Variants in TNIK observed in about 807,000 individuals in gnomAD.
The protein encoded by TNIK is TRAF2 and NCK-interacting protein kinase.
TNIK carries 49 observed loss-of-function variants against 191.3 expected under a neutral mutation model. The ratio of observed to expected loss-of-function variants is 0.26; its 90% CI spans 0.20 to 0.32. TNIK has a LOEUF of 0.32. TNIK is among the 10% of genes least tolerant of loss of function. The pLI is 1.00. For missense variants in TNIK, 1,155 were observed against 1,702.3 expected, an observed-to-expected ratio of 0.68 and a Z score of 5.66; for synonymous variants, 594 against 600.9, an observed-to-expected ratio of 0.99 and a Z score of 0.17.
intron 2 of TNIK, among the ~76,000 whole-genome samples, chr3:171,298,603 AG>A (rs1043898929): frequency 1.3e-5 from 2 of 152,116 alleles, no homozygotes; most frequent in African/African-American, 4.8e-5. Context: ...TGGTGAACTG[AG>A]GGGGACATGA....
At chr3:171,155,211 C>G (rs1279332184) in intron 12 of TNIK, among the ~76,000 whole-genome samples, 1 of 152,174 alleles carries the variant, frequency 6.6e-6, no homozygotes, top group Non-Finnish European at 1.5e-5. Flanking sequence ...AGTTCCTACT[C>G]AGGACACCAG....
intron 1 of TNIK, among the ~76,000 whole-genome samples, chr3:171,390,500 G>C (rs932022488): frequency 2.0e-5 from 3 of 152,126 alleles, no homozygotes; most frequent in African/African-American, 7.2e-5. Context: ...TTTACAAATT[G>C]CAAATGCCTA....
intron 2 of TNIK, among the ~76,000 whole-genome samples, chr3:171,365,892 C>A (rs562277251): frequency 6.6e-6 from 1 of 152,066 alleles, no homozygotes; most frequent in African/African-American, 2.4e-5. Context: ...ACATTATCAC[C>A]CTGGGATAAA....
In TNIK at chr3:171,460,199, C is replaced by A; in HGVS notation, c.-136G>T. ...CCCCGGGCCCAGCCTCCCCCGCCCA[C>A]CCCAGCCCCACAGCGCCGGATCCCG... On this transcript the variant is annotated 5_prime_UTR_variant, in exon 1 of 33. Transcript: ENST00000436636. This position sits in a 1 kb window ranked among gnomAD's most constrained non-coding sequence, Gnocchi z 6.8. The A allele has an allele frequency of 8.9e-7, 1 of 1,119,664 alleles. No homozygotes were observed. The highest frequency in any genetic ancestry group is 1.3e-6 in the Non-Finnish European group (1 of 780,480). 69.4% of individuals were successfully genotyped at this position (1,119,664 alleles called of 1,614,324 possible). A position where few individuals can be genotyped will look rare whatever the true frequency, so the allele number is the denominator to read the frequency against.
At chr3:171,442,649 G>A (rs1341942949) in intron 1 of TNIK, among the ~76,000 whole-genome samples, 1 of 152,118 alleles carries the variant, frequency 6.6e-6, no homozygotes, top group African/African-American at 2.4e-5. Context: ...TGTTTCCAGT[G>A]ATGAGGACCT....
At chr3:171,377,088 G>T (rs544490321) in intron 1 of TNIK, among the ~76,000 whole-genome samples, 1 of 152,218 alleles carries the variant, frequency 6.6e-6, no homozygotes, top group Non-Finnish European at 1.5e-5. Flanking sequence ...CTTTTGGGAA[G>T]GGCTGTCCTG....
intron 2 of TNIK, among the ~76,000 whole-genome samples, chr3:171,350,409 GA>G (rs35659104): frequency 0.26 from 39,005 of 151,846 alleles, 5,711 homozygotes; most frequent in Admixed American, 0.36. Flanking sequence ...TCAACACCCA[GA>G]ATGAAAAAGC....
chr3:171,230,041 T>C (rs1743426636), intron 2 of TNIK, among the ~76,000 whole-genome samples: 1 of 152,140 alleles, frequency 6.6e-6, no homozygotes, highest in East Asian at 1.9e-4. Context: ...GAGAGGGCAG[T>C]GAGTGGGTAT....
intron 1 of TNIK, among the ~76,000 whole-genome samples, chr3:171,442,763 CA>C (rs1726981356): frequency 6.6e-6 from 1 of 152,114 alleles, no homozygotes; most frequent in African/African-American, 2.4e-5. Context: ...AATTTTCAGT[CA>C]CTCAAAGAAA....
At chr3:171,368,941 G>GT (rs5854417) in intron 2 of TNIK, among the ~76,000 whole-genome samples, 122,961 of 146,898 alleles carry the variant, frequency 0.84, 52,060 homozygotes, top group Non-Finnish European at 0.92. Flanking sequence ...CATTTTTTTT[G>GT]TTTTTTTTTT....
chr3:171,332,941 G>A (rs1165797610), intron 2 of TNIK, among the ~76,000 whole-genome samples: 4 of 152,112 alleles, frequency 2.6e-5, no homozygotes, highest in Non-Finnish European at 5.9e-5. Context: ...CGACAGAAAA[G>A]CAATATTGGA....
In TNIK at chr3:171,384,221, C is replaced by T. The variant is rs117609732; in HGVS notation, c.58-14536G>A. Among the ~76,000 whole-genome samples the T allele has an allele frequency of 1.1e-3, 166 of 152,344 alleles. 7 individuals are homozygous for T. The East Asian group carries it at 0.03, about 28-fold the overall frequency. On this transcript the variant is annotated intron_variant, in intron 1 of 32. Coordinates refer to ENST00000436636, the MANE Select transcript of TNIK (RefSeq NM_015028.4). ...ACATTAAAGTACATTCCAAAGATCG[C>T]TTTGAATGTATCTGTCTTACTGCAC... is the stretch of plus-strand genomic sequence containing the variant.
In TNIK at chr3:171,399,972, T is replaced by C. The variant is rs577517359; in HGVS notation, c.58-30287A>G. ...CCGAGCTGTTCTACTCTGGGCTGCA[T>C]ACAGCTGTCCACCAATGTTCTGGGA... On this transcript the variant is annotated intron_variant, in intron 1 of 32. Transcript: ENST00000436636. Among the ~76,000 whole-genome samples, 92 of 152,174 alleles carry C rather than the reference T, an allele frequency of 6.0e-4. 3 individuals carry two copies. The highest frequency in any genetic ancestry group is 9.7e-5 in the African/African-American group (4 of 41,438).
chr3:171,286,960 G>A (rs534522909), intron 2 of TNIK, among the ~76,000 whole-genome samples: 1 of 152,080 alleles, frequency 6.6e-6, no homozygotes, highest in Non-Finnish European at 1.5e-5. Context: ...TGTTTTTATG[G>A]CGTACTGTTG....
Position 171,447,321 on chromosome 3 carries a change from C to A in TNIK, c.57+12686G>T, listed in dbSNP as rs1288870408. On this transcript the variant is annotated intron_variant, in intron 1 of 32. Coordinates refer to ENST00000436636, the MANE Select transcript of TNIK (RefSeq NM_015028.4). ...GTTTTAGGCAAGAAAAAAAAAAAAA[C>A]ACGTTATAATCTGACATTGGTCATC... is the stretch of plus-strand genomic sequence containing the variant. 2.9e-4 allele frequency among the ~76,000 whole-genome samples: 38 copies of A among 129,930 alleles called. 2 individuals carry two copies. The highest frequency in any genetic ancestry group is 1.7e-3 in the Admixed American group (23 of 13,668). 85.2% of individuals were successfully genotyped at this position (129,930 alleles called of 152,430 possible).
chr3:171,349,026 G>GA (rs35412267), intron 2 of TNIK, among the ~76,000 whole-genome samples: 29,483 of 146,800 alleles, frequency 0.2, 2,946 homozygotes, highest in East Asian at 0.31. Context: ...GATGAACTTG[G>GA]AAAAAAAAAA....
At chr3:171,132,518 T>G (rs1473826575) in intron 15 of TNIK, among the ~76,000 whole-genome samples, 1 of 152,182 alleles carries the variant, frequency 6.6e-6, no homozygotes, top group Non-Finnish European at 1.5e-5. Flanking sequence ...TATACAAATA[T>G]AGACAACTTA....
chr3:171,399,440 C>T (rs981710440), intron 1 of TNIK, among the ~76,000 whole-genome samples: 1 of 152,092 alleles, frequency 6.6e-6, no homozygotes, highest in African/African-American at 2.4e-5. Context: ...CATCTAAAAA[C>T]ATGTCCTAAA....
chr3:171,116,630 A>C lies in TNIK; in HGVS notation c.2121-5753T>G, dbSNP rs138888497. Among the ~76,000 whole-genome samples the C allele has an allele frequency of 2.5e-3, 383 of 152,354 alleles. 1 individual carries two copies. The highest frequency in any genetic ancestry group is 8.9e-3 in the African/African-American group (371 of 41,586). The stretch of plus-strand genomic sequence containing the variant: ...CCAATGAGAAGAAATGAGTCATAAG[A>C]AAATAGGTTTGGGATGGGACAGAGA... On this transcript the variant is annotated intron_variant, in intron 18 of 32. Transcript: ENST00000436636.
Sources: gnomAD v4.1 joint callset for allele counts (sites outside exome capture counted in the v4.1 genomes callset) on GRCh38, gnomAD v4.1.1 for gene constraint, Gnocchi (gnomAD v3.1) non-coding constraint, MANE v1.5 for transcripts, NCBI Gene and HGNC (gene_info 2026-07-23, HGNC 2026-07-21) for gene names.